The following SLC9C1 variants were observed in gnomAD, a reference collection of about 807,000 sequenced individuals.
SLC9C1 encodes solute carrier family 9 member C1.
SLC9C1 carries 97 observed loss-of-function variants against 140.9 expected under a neutral mutation model. That is an observed-to-expected ratio of 0.69 (90% CI 0.58 to 0.82). The LOEUF is 0.82. SLC9C1 is among the 40% of genes least tolerant of loss of function. The pLI is 0.00. For synonymous variants in SLC9C1, 440 were observed against 442.6 expected (o/e 0.99, Z 0.07); for missense variants, 1,340 against 1,389.3 (o/e 0.96, Z 0.56).
At chr3:112,208,492 C>T in intron 15 of SLC9C1, 119 bp from the exon 16 acceptor site, 2 of 612,170 alleles carry the variant, frequency 3.3e-6, no homozygotes, top group Non-Finnish European at 5.1e-6. Flanking sequence ...ATTCTGAAAG[C>T]AGCCACCACT....
At chr3:112,216,567 A>G (rs2078376426) in intron 15 of SLC9C1, among the ~76,000 whole-genome samples, 2 of 152,000 alleles carry the variant, frequency 1.3e-5, no homozygotes, top group South Asian at 4.2e-4. Context: ...GACACTTCTC[A>G]AAAGAAGACA....
chr3:112,170,985 G>A (rs564702767), intron 23 of SLC9C1, among the ~76,000 whole-genome samples: 23 of 152,076 alleles, frequency 1.5e-4, no homozygotes, highest in Non-Finnish European at 2.8e-4. Context: ...AGGCTGAGGC[G>A]GGCTGAGCCC....
At chr3:112,175,724 T>C (rs1189053832) in intron 23 of SLC9C1, among the ~76,000 whole-genome samples, 2 of 152,222 alleles carry the variant, frequency 1.3e-5, no homozygotes, top group Non-Finnish European at 2.9e-5. Flanking sequence ...GAAGTCTGAC[T>C]GCTTCTCCAT....
intron 20 of SLC9C1, among the ~76,000 whole-genome samples, chr3:112,188,560 T>G (rs1217055072): frequency 1.3e-5 from 2 of 152,236 alleles, no homozygotes; most frequent in East Asian, 3.8e-4. Flanking sequence ...GCAAAGGACA[T>G]GAACTCATCC....
At chr3:112,151,776 G>C (rs2074987512) in intron 28 of SLC9C1, 81 bp downstream of exon 28, 4 of 998,598 alleles carry the variant, frequency 4.0e-6, no homozygotes, top group South Asian at 2.7e-5. Context: ...ATCACATAAA[G>C]GGCAAGTAAC....
chr3:112,292,838 C>G (rs71616140), intron 1 of SLC9C1, among the ~76,000 whole-genome samples: 2 of 151,838 alleles, frequency 1.3e-5, no homozygotes, highest in East Asian at 3.9e-4. Flanking sequence ...CCACCACGCC[C>G]GGCCACAGGT....
chr3:112,216,144 G>T (rs1050832024), intron 15 of SLC9C1, among the ~76,000 whole-genome samples: 46 of 152,124 alleles, frequency 3.0e-4, no homozygotes, highest in African/African-American at 1.1e-3. Flanking sequence ...GGGAAAACTG[G>T]CTAGCCATAT....
intron 28 of SLC9C1, among the ~76,000 whole-genome samples, chr3:112,146,633 G>A (rs1325878000): frequency 6.6e-6 from 1 of 152,108 alleles, no homozygotes; most frequent in Non-Finnish European, 1.5e-5. Flanking sequence ...AGATCTTCTT[G>A]GTATTCATTT....
intron 12 of SLC9C1, among the ~76,000 whole-genome samples, chr3:112,233,438 A>G (rs1225843434): frequency 6.6e-6 from 1 of 152,134 alleles, no homozygotes; most frequent in Non-Finnish European, 1.5e-5. Context: ...TTTTAAACAT[A>G]CACATAAAAC....
intron 13 of SLC9C1, among the ~76,000 whole-genome samples, chr3:112,222,313 A>G (rs962569497): frequency 6.6e-6 from 1 of 152,182 alleles, no homozygotes; most frequent in African/African-American, 2.4e-5. Context: ...AACCAAATCA[A>G]CAAATCAAGA....
chr3:112,232,398 T>A (rs2108175428), intron 12 of SLC9C1, among the ~76,000 whole-genome samples: 1 of 152,278 alleles, frequency 6.6e-6, no homozygotes, highest in East Asian at 1.9e-4. Context: ...TGCAGACAAG[T>A]CAGCAAAAGT....
chr3:112,173,056 C>T (rs1005296661), intron 23 of SLC9C1, among the ~76,000 whole-genome samples: 1 of 151,954 alleles, frequency 6.6e-6, no homozygotes, highest in Non-Finnish European at 1.5e-5. Context: ...TGCACTGGCC[C>T]CATAAAATGC....
At chr3:112,279,421 T>G (rs1389233644) in intron 3 of SLC9C1, among the ~76,000 whole-genome samples, 6 of 152,154 alleles carry the variant, frequency 3.9e-5, no homozygotes, top group African/African-American at 1.4e-4. Flanking sequence ...TCAGAGACAT[T>G]TATTACATTT....
In SLC9C1 at chr3:112,160,397, T is replaced by G. The variant is rs183584946; in HGVS notation, c.3365-5348A>C. 1.7e-3 allele frequency among the ~76,000 whole-genome samples: 258 copies of G among 151,354 alleles called. 7 individuals carry two copies. The East Asian group carries it at 0.044, about 26-fold the overall frequency. ...AACTTGTCATCTAGCATTAGGTATA[T>G]CTCCCAATGCTATCCCTTCCCCCTC... On this transcript the variant is annotated intron_variant, in intron 26 of 28. Coordinates refer to ENST00000305815, the MANE Select transcript of SLC9C1 (RefSeq NM_183061.3).
At position 112,264,365 on chromosome 3, in the gene SLC9C1, A is replaced by T. The variant is rs2079860725; in HGVS notation, c.879-22T>A. 4 of 1,300,796 alleles carry T rather than the reference A, an allele frequency of 3.1e-6. No individual in the cohort carries two copies. The Admixed American group carries it at 1.0e-4, about 33-fold the overall frequency. 80.6% of individuals were successfully genotyped at this position (1,300,796 alleles called of 1,614,324 possible). ...GAATCTGCATCATTCAGAAAAAATT[A>T]AAAATATTTATAATTAATTAATTTG... On this transcript the variant is annotated intron_variant, in intron 8 of 28. Transcript: ENST00000305815.
intron 26 of SLC9C1, among the ~76,000 whole-genome samples, chr3:112,162,694 T>C (rs1177624022): frequency 6.6e-6 from 1 of 151,984 alleles, no homozygotes; most frequent in African/African-American, 2.4e-5. Flanking sequence ...TGAGGATTTT[T>C]GCATCAATGT....
intron 26 of SLC9C1, among the ~76,000 whole-genome samples, chr3:112,158,491 G>A (rs1196758082): frequency 4.0e-5 from 6 of 151,894 alleles, no homozygotes; most frequent in African/African-American, 1.4e-4. Context: ...TATTTTTCCT[G>A]TGTCCTTGTC....
At chr3:112,218,174 G>GTTTTT (rs61498352) in intron 14 of SLC9C1, among the ~76,000 whole-genome samples, 1 of 143,336 alleles carries the variant, frequency 7.0e-6, no homozygotes, top group Non-Finnish European at 1.5e-5. Flanking sequence ...TTTCTGCTAG[G>GTTTTT]TTTTTTTTTT....
chr3:112,196,441 A>T (rs1037913736), intron 20 of SLC9C1, among the ~76,000 whole-genome samples: 18 of 152,056 alleles, frequency 1.2e-4, no homozygotes, highest in Admixed American at 6.6e-4. Flanking sequence ...ATTAAATTTC[A>T]AAAGTTTTTG....
Sources: gnomAD v4.1 joint callset for allele counts (sites outside exome capture counted in the v4.1 genomes callset) on GRCh38, gnomAD v4.1.1 for gene constraint, MANE v1.5 for transcripts, NCBI Gene and HGNC (gene_info 2026-07-23, HGNC 2026-07-21) for gene names.